Variants in IQCJ observed in about 807,000 individuals in gnomAD.
IQCJ encodes IQ motif containing J, also known as IQ domain-containing protein J.
IQCJ carries 9 observed loss-of-function variants against 11.0 expected under a neutral mutation model. That is an observed-to-expected ratio of 0.82 (90% CI 0.49 to 1.43). IQCJ has a LOEUF of 1.43. IQCJ is among the 40% of genes most tolerant of loss of function. The pLI is 0.00. For synonymous variants in IQCJ, 55 were observed against 51.3 expected (o/e 1.07, Z -0.31); for missense variants, 146 against 133.2 (o/e 1.10, Z -0.47).
chr3:159,082,271 G>A (rs556729339), intron 1 of IQCJ, among the ~76,000 whole-genome samples: 27 of 151,822 alleles, frequency 1.8e-4, no homozygotes, highest in African/African-American at 6.3e-4. Context: ...AATGTATTGA[G>A]CACTGATTAT....
chr3:159,182,461 C>G (rs1237979717), intron 1 of IQCJ, among the ~76,000 whole-genome samples: 1 of 152,014 alleles, frequency 6.6e-6, no homozygotes, highest in African/African-American at 2.4e-5. Flanking sequence ...GCAGGACAAG[C>G]CGCAGACAAA....
chr3:159,187,913 C>T (rs917860981), intron 1 of IQCJ, among the ~76,000 whole-genome samples: 1 of 152,164 alleles, frequency 6.6e-6, no homozygotes, highest in East Asian at 1.9e-4. Flanking sequence ...AAACCAATCA[C>T]TGTGGCTGGG....
chr3:159,183,888 T>C (rs929665085), intron 1 of IQCJ, among the ~76,000 whole-genome samples: 21 of 151,972 alleles, frequency 1.4e-4, no homozygotes, highest in Non-Finnish European at 4.4e-5. Flanking sequence ...AATCCATCTA[T>C]GTATGATCAT....
At chr3:159,208,527 C>G (rs1724780169) in intron 1 of IQCJ, among the ~76,000 whole-genome samples, 2 of 152,306 alleles carry the variant, frequency 1.3e-5, no homozygotes, top group South Asian at 4.1e-4. Context: ...CAGCCCCTTT[C>G]CAGGGTACTT....
chr3:159,245,819 A>G (rs1421709735), intron 1 of IQCJ, 24 bp from the exon 2 acceptor site: 1 of 1,527,390 alleles, frequency 6.5e-7, no homozygotes, highest in South Asian at 1.2e-5. Flanking sequence ...ACAATTTGTA[A>G]GATATATCTT....
chr3:159,227,634 A>G (rs1479304004), intron 1 of IQCJ, among the ~76,000 whole-genome samples: 2 of 152,240 alleles, frequency 1.3e-5, no homozygotes, highest in African/African-American at 2.4e-5. Flanking sequence ...AATATTAGCT[A>G]GACGGAGCAT....
intron 1 of IQCJ, among the ~76,000 whole-genome samples, chr3:159,196,437 C>T (rs1390804742): frequency 6.6e-6 from 1 of 152,094 alleles, no homozygotes; most frequent in Non-Finnish European, 1.5e-5. Flanking sequence ...TTTAAAACTC[C>T]CAACACTCAG....
chr3:159,248,934 G>A (rs1206794996), intron 2 of IQCJ, among the ~76,000 whole-genome samples: 2 of 151,476 alleles, frequency 1.3e-5, no homozygotes, highest in Non-Finnish European at 2.9e-5. Context: ...TTGGCTCACT[G>A]CAACCTCCAC....
At chr3:159,195,452 G>A (rs1238660340) in intron 1 of IQCJ, among the ~76,000 whole-genome samples, 1 of 152,192 alleles carries the variant, frequency 6.6e-6, no homozygotes, top group Non-Finnish European at 1.5e-5. Context: ...AGGAGTGGTA[G>A]CCTTTAACAG....
chr3:159,236,440 A>G (rs1247699483), intron 1 of IQCJ, among the ~76,000 whole-genome samples: 1 of 152,192 alleles, frequency 6.6e-6, no homozygotes, highest in African/African-American at 2.4e-5. Flanking sequence ...TGTAAAGCAC[A>G]TTTACATTAT....
At chr3:159,185,218 C>T (rs1190320656) in intron 1 of IQCJ, among the ~76,000 whole-genome samples, 2 of 152,168 alleles carry the variant, frequency 1.3e-5, no homozygotes, top group East Asian at 3.9e-4. Context: ...AAACAACCCT[C>T]TACAAATGTG....
intron 1 of IQCJ, among the ~76,000 whole-genome samples, chr3:159,235,047 G>A (rs1052740303): frequency 1.2e-4 from 19 of 152,094 alleles, no homozygotes; most frequent in African/African-American, 3.9e-4. Flanking sequence ...ATGGATTCAC[G>A]TATCCACATT....
chr3:159,176,058 T>A lies in IQCJ; in HGVS notation c.10-69785T>A, dbSNP rs570273439. Among the ~76,000 whole-genome samples the A allele has an allele frequency of 1.4e-4, 22 of 152,356 alleles. No individual in the cohort carries two copies. In the South Asian group the frequency reaches 4.6e-3, roughly 32 times the overall value. On this transcript the variant is annotated intron_variant, in intron 1 of 3. Transcript: ENST00000397832. ...TGATGCTGTTGAACATCTTTTCATG[T>A]GCTTATTTGCCTTTAATATAAGCTC...
intron 1 of IQCJ, among the ~76,000 whole-genome samples, chr3:159,084,911 TTC>T (rs1160145988): frequency 1.4e-5 from 1 of 70,788 alleles, no homozygotes; most frequent in Admixed American, 1.7e-4. Context: ...AATGCATAAG[TTC>T]TTTTTTTTTT....
rs1416177455 is a variant in IQCJ, at chr3:159,263,053, G to A, written c.*322G>A. The stretch of plus-strand genomic sequence containing the variant: ...TAGAAGATAAGATTGGTTATAAGGA[G>A]TAGAAAGAGAACTTTTACCAGAAGA... On this transcript the variant is annotated 3_prime_UTR_variant, in exon 4 of 4. Transcript: ENST00000397832. 4.9e-6 allele frequency: 5 copies of A among 1,010,216 alleles called. No individual in the cohort carries two copies. Among genetic ancestry groups the A allele is most frequent in the Non-Finnish European group, 5.9e-6 (5 of 845,448 alleles). 62.6% of individuals were successfully genotyped at this position (1,010,216 alleles called of 1,614,324 possible). A position where few individuals can be genotyped will look rare whatever the true frequency, so the allele number is the denominator to read the frequency against.
chr3:159,247,686 CA>C (rs1560041845), intron 2 of IQCJ, among the ~76,000 whole-genome samples: 2 of 152,082 alleles, frequency 1.3e-5, no homozygotes, highest in Non-Finnish European at 1.5e-5. Flanking sequence ...TGTTTATGAC[CA>C]GATTTTACAC....
chr3:159,107,205 G>A (rs1718320212), intron 1 of IQCJ, among the ~76,000 whole-genome samples: 1 of 152,126 alleles, frequency 6.6e-6, no homozygotes, highest in African/African-American at 2.4e-5. Context: ...AGTATTAGGA[G>A]GTAGGGCCTT....
chr3:159,177,840 G>T (rs1201894791), intron 1 of IQCJ, among the ~76,000 whole-genome samples: 1 of 152,194 alleles, frequency 6.6e-6, no homozygotes, highest in African/African-American at 2.4e-5. Flanking sequence ...AATAAATACA[G>T]TACCAATTTA....
At chr3:159,069,478 G>A in intron 1 of IQCJ, 37 bp downstream of exon 1, 1 of 1,601,438 alleles carries the variant, frequency 6.2e-7, no homozygotes, top group Non-Finnish European at 8.5e-7. Flanking sequence ...CCACTTTGAT[G>A]TGCATTATAT....
Sources: gnomAD v4.1 joint callset for allele counts (sites outside exome capture counted in the v4.1 genomes callset) on GRCh38, gnomAD v4.1.1 for gene constraint, MANE v1.5 for transcripts, NCBI Gene and HGNC (gene_info 2026-07-23, HGNC 2026-07-21) for gene names.